Variants in FAM167A observed in about 807,000 individuals in gnomAD.
FAM167A encodes family with sequence similarity 167 member A, also known as protein FAM167A.
FAM167A carries 23 observed loss-of-function variants against 14.9 expected under a neutral mutation model. The observed-to-expected ratio is 1.55, with a 90% CI of 1.11 to 2.19. The LOEUF (loss-of-function observed/expected upper bound fraction) is 2.19, where lower values mean the gene tolerates loss of function less well. FAM167A is among the 30% of genes most tolerant of loss of function. FAM167A has a pLI of 0.00. For synonymous variants in FAM167A, 174 were observed against 117.7 expected (o/e 1.48, Z -3.10); for missense variants, 401 against 281.5 (o/e 1.42, Z -3.04).
At chr8:11,454,953 G>A (rs1439749671) in intron 1 of FAM167A, among the ~76,000 whole-genome samples, 1 of 151,576 alleles carries the variant, frequency 6.6e-6, no homozygotes, top group African/African-American at 2.4e-5. Context: ...CATGGCAACT[G>A]AGCAGGAGGG....
chr8:11,445,767 G>C (rs1382586752), intron 1 of FAM167A, among the ~76,000 whole-genome samples: 1 of 152,044 alleles, frequency 6.6e-6, no homozygotes, highest in Admixed American at 6.5e-5. Flanking sequence ...AATCAGAGTA[G>C]GAGACATCTG....
At chr8:11,456,227 G>A in intron 1 of FAM167A, among the ~76,000 whole-genome samples, 1 of 150,462 alleles carries the variant, frequency 6.6e-6, no homozygotes, top group African/African-American at 2.4e-5. Context: ...GTGTGAGTGA[G>A]TGTGGGGGGT....
rs554170717 is a variant in FAM167A at position 11,450,718 on chromosome 8, T to C, written c.-397-5910A>G. Reference sequence around the variant, plus strand: ...GGAATGAATGAGCCAATAAAACAGATTTCCTCCCACTCACAGCGACCTGTC... The same window carrying C: ...GGAATGAATGAGCCAATAAAACAGACTTCCTCCCACTCACAGCGACCTGTC... On this transcript the variant is annotated intron_variant, in intron 1 of 2. Transcript: ENST00000284486. Among the ~76,000 whole-genome samples the C allele has an allele frequency of 1.9e-3, 290 of 152,284 alleles. 2 individuals carry two copies. Among genetic ancestry groups the C allele is most frequent in the African/African-American group, 6.7e-3 (278 of 41,542 alleles).
rs886399685 is a variant in FAM167A, at chr8:11,422,129, G to C, written c.*2244C>G. ...AGTTTCCACCCAGAGAATGAAGAAA[G>C]CAAGCAAGCACTGGGTTACCCAAGC... On this transcript the variant is annotated 3_prime_UTR_variant, in exon 3 of 3. Coordinates refer to ENST00000284486, the MANE Select transcript of FAM167A (RefSeq NM_053279.3). 1 of 279,522 alleles carries C rather than the reference G, an allele frequency of 3.6e-6. No homozygotes were observed. Among genetic ancestry groups the C allele is most frequent in the Non-Finnish European group, 6.6e-6 (1 of 151,368 alleles). 17.3% of individuals were successfully genotyped at this position (279,522 alleles called of 1,614,324 possible).
chr8:11,451,276 G>A (rs927258213), intron 1 of FAM167A, among the ~76,000 whole-genome samples: 4 of 152,202 alleles, frequency 2.6e-5, no homozygotes, highest in African/African-American at 9.6e-5. Context: ...GTGGCAGCTT[G>A]GCCATCACAG....
rs766345117 is a variant in FAM167A at position 11,421,915 on chromosome 8, G to A, written c.*2458C>T. ...AGGGACTTCACAAAGCTGAATTAAT[G>A]TGGTTAGTTGTGTTCACTGTGCAAA... On this transcript the variant is annotated 3_prime_UTR_variant, in exon 3 of 3. Transcript: ENST00000284486. The A allele has an allele frequency of 1.7e-4, 68 of 398,298 alleles. No homozygotes were observed. Among genetic ancestry groups the A allele is most frequent in the Non-Finnish European group, 2.9e-4 (66 of 226,042 alleles). 24.7% of individuals were successfully genotyped at this position (398,298 alleles called of 1,614,324 possible). A position where few individuals can be genotyped will look rare whatever the true frequency, so the allele number is the denominator to read the frequency against.
upstream of FAM167A, among the ~76,000 whole-genome samples, chr8:11,471,327 G>A (rs1807955156): frequency 1.3e-5 from 2 of 152,212 alleles, no homozygotes; most frequent in South Asian, 2.1e-4. Flanking sequence ...CAAAGGCAGA[G>A]GATGAGGAAG....
intron 1 of FAM167A, among the ~76,000 whole-genome samples, chr8:11,449,406 G>A (rs1310194575): frequency 6.6e-6 from 1 of 152,218 alleles, no homozygotes; most frequent in East Asian, 1.9e-4. Context: ...AGCTTCCTGG[G>A]CTGGAAAAGC....
At chr8:11,451,855 G>T (rs1314863482) in intron 1 of FAM167A, among the ~76,000 whole-genome samples, 2 of 152,154 alleles carry the variant, frequency 1.3e-5, no homozygotes, top group African/African-American at 4.8e-5. Flanking sequence ...CTGCCTTCTG[G>T]ATCTGCCCTG....
chr8:11,469,759 T>A (rs1334962608), upstream of FAM167A, among the ~76,000 whole-genome samples: 1 of 151,892 alleles, frequency 6.6e-6, no homozygotes, highest in Non-Finnish European at 1.5e-5. Context: ...GGTACACACC[T>A]GAAGTCCCAG....
At chr8:11,464,144 G>A (rs1807656753) in intron 1 of FAM167A, among the ~76,000 whole-genome samples, 1 of 150,296 alleles carries the variant, frequency 6.7e-6, no homozygotes, top group Admixed American at 6.6e-5. Context: ...CAGAAGGAAA[G>A]GGGGTGAGGT....
At chr8:11,428,398 G>C (rs551908652) in intron 2 of FAM167A, among the ~76,000 whole-genome samples, 345 of 152,362 alleles carry the variant, frequency 2.3e-3, no homozygotes, top group African/African-American at 7.3e-3. Flanking sequence ...ACTGGACAAA[G>C]GCCGCCTGGA....
rs764711786 is a variant in FAM167A, at chr8:11,444,146, C to T, written c.266G>A (p.Gly89Glu). ...QEPLLPLREA[G>E]QHPPSARSAS... is the part of the protein sequence containing the mutation. ...ACTCCTGGCAGAAGGGGGGTGCTGC[C>T]CAGCCTCTCTCAGGGGGAGCAAGGG... The change falls in exon 2 of 3, where the codon GGG becomes GAG. Residue 89 changes from glycine (G) to glutamate (E), a missense_variant. Physicochemically the swap from Gly to Glu is moderately conservative, Grantham distance 98 (BLOSUM62 -2). Coordinates refer to ENST00000284486, the MANE Select transcript of FAM167A (RefSeq NM_053279.3). 2 of 1,613,100 alleles carry T rather than the reference C, an allele frequency of 1.2e-6. No homozygotes were observed. Among genetic ancestry groups the T allele is most frequent in the African/African-American group, 1.3e-5 (1 of 74,946 alleles).
At chr8:11,472,541 G>A (rs549935689), upstream of FAM167A, among the ~76,000 whole-genome samples, 40 of 147,148 alleles carry the variant, frequency 2.7e-4, no homozygotes, top group Middle Eastern at 0.011. Flanking sequence ...CTGGGTTCTA[G>A]CGATTCTTGC....
upstream of FAM167A, among the ~76,000 whole-genome samples, chr8:11,470,248 C>T (rs571256173): frequency 3.3e-5 from 5 of 151,288 alleles, no homozygotes; most frequent in South Asian, 2.1e-4. Context: ...GGGCTGGCCT[C>T]GCTAATAAGG....
At chr8:11,457,539 G>A (rs13251015) in intron 1 of FAM167A, among the ~76,000 whole-genome samples, 131,319 of 152,008 alleles carry the variant, frequency 0.86, 57,182 homozygotes, top group African/African-American at 0.95. Flanking sequence ...CACCCTTGAG[G>A]ATGCCAGCTC....
Position 11,421,950 on chromosome 8 carries a change from C to G in FAM167A, c.*2423G>C, listed in dbSNP as rs1049459897. 14 of 397,654 alleles carry G rather than the reference C, an allele frequency of 3.5e-5. No homozygotes were observed. The highest frequency in any genetic ancestry group is 2.9e-4 in the African/African-American group (14 of 48,718). The allele number at this position is 397,654 out of a possible 1,614,324, so 24.6% of individuals were successfully genotyped here. On this transcript the variant is annotated 3_prime_UTR_variant, in exon 3 of 3. Coordinates refer to ENST00000284486, the MANE Select transcript of FAM167A (RefSeq NM_053279.3). ...GTGTTCACTGTGCAAAGTAAGGAAG[C>G]CAGTCAACACTGGACGATGTTTAGA...
At chr8:11,467,769 G>A (rs997739498), upstream of FAM167A, among the ~76,000 whole-genome samples, 1 of 152,236 alleles carries the variant, frequency 6.6e-6, no homozygotes, top group African/African-American at 2.4e-5. Flanking sequence ...TGGTGCCCGC[G>A]TCCTTCACTG....
intron 2 of FAM167A, chr8:11,438,687 A>G: frequency 2.7e-6 from 1 of 374,748 alleles, no homozygotes; most frequent in South Asian, 2.1e-5. Flanking sequence ...TTGTTTATAC[A>G]TTCTTTGGTA....
Sources: gnomAD v4.1 joint callset for allele counts (sites outside exome capture counted in the v4.1 genomes callset) on GRCh38, gnomAD v4.1.1 for gene constraint, MANE v1.5 for transcripts, NCBI Gene and HGNC (gene_info 2026-07-23, HGNC 2026-07-21) for gene names.